The following GRIA1 variants were observed in gnomAD, a reference collection of about 807,000 sequenced individuals.
GRIA1 encodes the protein glutamate receptor 1.
Under a neutral mutation model 99.2 loss-of-function variants are expected in GRIA1, and 31 were observed. The observed-to-expected ratio is 0.31, with a 90% CI of 0.23 to 0.42. The LOEUF (loss-of-function observed/expected upper bound fraction) is 0.42. GRIA1 is among the 10% of genes least tolerant of loss of function. The pLI is 1.00. For synonymous variants in GRIA1, 438 were observed against 432.4 expected, an observed-to-expected ratio of 1.01 and a Z score of -0.16; for missense variants, 782 against 1,157.5, an observed-to-expected ratio of 0.68 and a Z score of 4.71.
intron 13 of GRIA1, among the ~76,000 whole-genome samples, chr5:153,771,590 T>C (rs1057066062): frequency 7.2e-5 from 11 of 152,170 alleles, no homozygotes; most frequent in African/African-American, 2.7e-4. Context: ...TTCTAATAGA[T>C]ACTAGGACAG....
chr5:153,773,397 C>T (rs887941854), intron 13 of GRIA1, among the ~76,000 whole-genome samples: 1 of 152,130 alleles, frequency 6.6e-6, no homozygotes, highest in Non-Finnish European at 1.5e-5. Flanking sequence ...TCCTTTGCAC[C>T]TATTCACATG....
intron 8 of GRIA1, among the ~76,000 whole-genome samples, chr5:153,696,215 G>A (rs1335300185): frequency 1.3e-5 from 2 of 152,186 alleles, no homozygotes; most frequent in Non-Finnish European, 2.9e-5. Context: ...AAATTGAAAG[G>A]ATAATTAACT....
At chr5:153,558,570 G>T (rs982770721) in intron 2 of GRIA1, among the ~76,000 whole-genome samples, 1 of 151,894 alleles carries the variant, frequency 6.6e-6, no homozygotes, top group Non-Finnish European at 1.5e-5. Flanking sequence ...TTAGTAGCTT[G>T]TTCCTTTTTA....
chr5:153,514,278 A>G (rs930547816), intron 2 of GRIA1, among the ~76,000 whole-genome samples: 9 of 152,236 alleles, frequency 5.9e-5, no homozygotes, highest in Non-Finnish European at 1.3e-4. Context: ...CCAATGTCAC[A>G]TGGTTTTTCC....
At chr5:153,803,652 A>T (rs1311024655) in intron 15 of GRIA1, among the ~76,000 whole-genome samples, 1 of 152,206 alleles carries the variant, frequency 6.6e-6, no homozygotes, top group Non-Finnish European at 1.5e-5. Flanking sequence ...TGGGCAATGC[A>T]GCCATGGTGA....
At chr5:153,624,023 G>T (rs912920255) in intron 2 of GRIA1, among the ~76,000 whole-genome samples, 5 of 152,140 alleles carry the variant, frequency 3.3e-5, no homozygotes, top group East Asian at 3.9e-4. Context: ...GGAAACAAAT[G>T]GATACTGTCA....
chr5:153,561,240 A>G (rs1198139545), intron 2 of GRIA1, among the ~76,000 whole-genome samples: 1 of 152,186 alleles, frequency 6.6e-6, no homozygotes, highest in Non-Finnish European at 1.5e-5. Context: ...TAAATAAATA[A>G]ATCAGAGAAT....
rs371991366 is a variant in GRIA1 at position 153,728,368 on chromosome 5, C to A, written c.1823+22301C>A. 5.4e-5 allele frequency among the ~76,000 whole-genome samples: 8 copies of A among 147,782 alleles called. No individual in the cohort carries two copies. In the South Asian group the frequency reaches 9.3e-4, roughly 17 times the overall value. On this transcript the variant is annotated intron_variant, in intron 11 of 15. Transcript: ENST00000285900. ...ACACCAAAAGCAATGGCAACAAAAG[C>A]CAAAATTGACAAATGGGATCTAATT...
intron 2 of GRIA1, among the ~76,000 whole-genome samples, chr5:153,596,395 C>T (rs948170013): frequency 1.3e-5 from 2 of 152,212 alleles, no homozygotes; most frequent in African/African-American, 4.8e-5. Flanking sequence ...ATTGTTTATA[C>T]ATTGTGGCTT....
At chr5:153,514,156 C>G (rs568661037) in intron 2 of GRIA1, among the ~76,000 whole-genome samples, 1 of 152,142 alleles carries the variant, frequency 6.6e-6, no homozygotes, top group Non-Finnish European at 1.5e-5. Flanking sequence ...TAAAACTGTG[C>G]CTTTCTGCAA....
At position 153,603,093 on chromosome 5, in the gene GRIA1, C is replaced by T. The variant is rs192001585; in HGVS notation, c.221-43835C>T. 3.6e-3 allele frequency among the ~76,000 whole-genome samples: 519 copies of T among 145,608 alleles called. 3 individuals carry two copies. Among genetic ancestry groups the T allele is most frequent in the African/African-American group, 0.012 (510 of 40,888 alleles). ...CCCTGTCCCCCCACCCCACAACAGT[C>T]CCCAGAGTGTGATGTTCCCCTTCCT... is the stretch of plus-strand genomic sequence containing the variant. On this transcript the variant is annotated intron_variant, in intron 2 of 15. Transcript: ENST00000285900.
rs1202811939 is a variant in GRIA1, at chr5:153,726,229, G to A, written c.1823+20162G>A. Among the ~76,000 whole-genome samples, 56 of 149,372 alleles carry A rather than the reference G, an allele frequency of 3.7e-4. 2 individuals carry two copies. Among genetic ancestry groups the A allele is most frequent in the Admixed American group, 1.1e-3 (17 of 14,966 alleles). On this transcript the variant is annotated intron_variant, in intron 11 of 15. Transcript: ENST00000285900. ...CACAACATACCAGAATCTCTGGGAC[G>A]CATTCAAAGCAGTGTGTAGAGGGAA...
At chr5:153,570,102 A>T (rs1199928242) in intron 2 of GRIA1, among the ~76,000 whole-genome samples, 4 of 152,156 alleles carry the variant, frequency 2.6e-5, no homozygotes, top group Non-Finnish European at 4.4e-5. Flanking sequence ...CCATCAGATA[A>T]TCCACACTGA....
In GRIA1 at chr5:153,802,621, C is replaced by T. The variant is rs1766128736; in HGVS notation, c.2520+131C>T. The T allele has an allele frequency of 4.4e-6, 4 of 910,028 alleles. No individual in the cohort carries two copies. In the South Asian group the frequency reaches 6.0e-5, roughly 14 times the overall value. The allele number at this position is 910,028 out of a possible 1,614,324, so 56.4% of individuals were successfully genotyped here. On this transcript the variant is annotated intron_variant, in intron 15 of 15. Transcript: ENST00000285900. ...TCAGCACAAGACAGGAAGCAGGAAG[C>T]TGTTACGAGGAAGGTGACGGGGACA...
At chr5:153,707,437 C>T (rs1334505532) in intron 11 of GRIA1, among the ~76,000 whole-genome samples, 3 of 152,178 alleles carry the variant, frequency 2.0e-5, no homozygotes, top group African/African-American at 7.2e-5. Flanking sequence ...CACAATTCCC[C>T]ACCAATTTGC....
Position 153,686,231 on chromosome 5 carries a change from T to C in GRIA1, c.1036T>C (p.Phe346Leu). ...DIQRALQQVR[F>L]EGLTGNVQFN... ...ACTTGGTTTTGTTTTCCAGGTGCGA[T>C]TTGAAGGTTTAACAGGAAACGTGCA... Residue 346 changes from phenylalanine (F) to leucine (L), a missense_variant, in exon 8 of 16, where the codon TTT becomes CTT. Phe to Leu is a conservative substitution (Grantham distance 22). Coordinates refer to ENST00000285900, the MANE Select transcript of GRIA1 (RefSeq NM_000827.4). 3 of 1,613,270 alleles carry C rather than the reference T, an allele frequency of 1.9e-6. No homozygotes were observed. Among genetic ancestry groups the C allele is most frequent in the Non-Finnish European group, 2.5e-6 (3 of 1,179,220 alleles).
chr5:153,811,589 G>GCAC lies in GRIA1; in HGVS notation c.*364_*365insCAC, dbSNP rs1299262013. ...AATTCAGTTGTTAGTGTGTCTTAGT[G>GCAC]TGTGCAATTTTTTTTCTTACTAATA... On this transcript the variant is annotated 3_prime_UTR_variant, in exon 16 of 16. Coordinates refer to ENST00000285900, the MANE Select transcript of GRIA1 (RefSeq NM_000827.4). The GCAC allele has an allele frequency of 5.2e-6, 1 of 192,936 alleles. No homozygotes were observed. The highest frequency in any genetic ancestry group is 2.3e-5 in the African/African-American group (1 of 42,776). 12.0% of individuals were successfully genotyped at this position (192,936 alleles called of 1,614,324 possible).
At chr5:153,532,299 G>A (rs770337606) in intron 2 of GRIA1, among the ~76,000 whole-genome samples, 1 of 152,070 alleles carries the variant, frequency 6.6e-6, no homozygotes, top group African/African-American at 2.4e-5. Flanking sequence ...GCTCTTCAAG[G>A]TACTCAAGAG....
At chr5:153,768,569 T>C (rs916795950) in intron 12 of GRIA1, among the ~76,000 whole-genome samples, 2 of 152,170 alleles carry the variant, frequency 1.3e-5, no homozygotes, top group African/African-American at 4.8e-5. Context: ...ACTATTTCCA[T>C]TACTTTTCCC....
Sources: gnomAD v4.1 joint callset for allele counts (sites outside exome capture counted in the v4.1 genomes callset) on GRCh38, gnomAD v4.1.1 for gene constraint, MANE v1.5 for transcripts, NCBI Gene and HGNC (gene_info 2026-07-23, HGNC 2026-07-21) for gene names.